CSNK1G3: variants seen among roughly 807,000 people sequenced by gnomAD.
The protein encoded by CSNK1G3 is casein kinase 1 gamma 3.
In CSNK1G3, 23 loss-of-function variants were observed where a neutral mutation model predicts 64.3. The ratio of observed to expected loss-of-function variants is 0.36; its 90% CI spans 0.26 to 0.51. The LOEUF is 0.51. CSNK1G3 is among the 20% of genes least tolerant of loss of function. CSNK1G3 has a pLI of 0.96. For synonymous variants in CSNK1G3, 158 were observed against 162.2 expected (o/e 0.97, Z 0.20); for missense variants, 357 against 510.5 (o/e 0.70, Z 2.90).
At position 123,535,000 on chromosome 5, in the gene CSNK1G3, C is replaced by T. The variant is rs1050052399; in HGVS notation, c.-247-10417C>T. ...CTCCATTGTGCTTTAAAAGCACGAC[C>T]GTGAAAGTCCACTTTCTCTATTGGT... On this transcript the variant is annotated intron_variant, in intron 1 of 12. Transcript: ENST00000345990. 5.9e-5 allele frequency among the ~76,000 whole-genome samples: 9 copies of T among 152,212 alleles called. No individual in the cohort carries two copies. The South Asian group carries it at 1.4e-3, about 25-fold the overall frequency.
chr5:123,610,157 A>G (rs1463227193), intron 12 of CSNK1G3, among the ~76,000 whole-genome samples: 1 of 152,136 alleles, frequency 6.6e-6, no homozygotes, highest in Non-Finnish European at 1.5e-5. Context: ...AATTTTGTAG[A>G]TGATCTTGTT....
chr5:123,608,070 T>C (rs879547899), intron 12 of CSNK1G3, among the ~76,000 whole-genome samples: 8 of 152,214 alleles, frequency 5.3e-5, no homozygotes, highest in Admixed American at 1.3e-4. Context: ...GGTGGGACTA[T>C]AGGTGCACAC....
chr5:123,552,672 A>G (rs1196143915), intron 2 of CSNK1G3, among the ~76,000 whole-genome samples: 2 of 152,204 alleles, frequency 1.3e-5, no homozygotes, highest in African/African-American at 4.8e-5. Flanking sequence ...ACTGGATTAA[A>G]TATGAGCCCT....
At chr5:123,600,422 C>T (rs1013937894) in intron 10 of CSNK1G3, among the ~76,000 whole-genome samples, 4 of 151,844 alleles carry the variant, frequency 2.6e-5, no homozygotes, top group Non-Finnish European at 5.9e-5. Flanking sequence ...GTCAGGAGTT[C>T]GAGACCAGCC....
chr5:123,565,636 A>G (rs1786714066), intron 4 of CSNK1G3, among the ~76,000 whole-genome samples: 1 of 152,182 alleles, frequency 6.6e-6, no homozygotes, highest in Non-Finnish European at 1.5e-5. Context: ...GGTAATTTAT[A>G]AGAAAAGAGG....
At chr5:123,553,297 C>G (rs1784035747) in intron 3 of CSNK1G3, 150 bp downstream of exon 3, 2 of 415,226 alleles carry the variant, frequency 4.8e-6, no homozygotes, top group African/African-American at 2.1e-5. Flanking sequence ...TTGCTAAGCT[C>G]CTAACATCAT....
intron 4 of CSNK1G3, among the ~76,000 whole-genome samples, chr5:123,570,699 C>T (rs1460047071): frequency 6.6e-6 from 1 of 152,164 alleles, no homozygotes; most frequent in Admixed American, 6.5e-5. Flanking sequence ...TTTATTTTTA[C>T]ATTTTTTATA....
chr5:123,592,604 A>G (rs747466187), intron 10 of CSNK1G3, among the ~76,000 whole-genome samples: 3 of 152,020 alleles, frequency 2.0e-5, no homozygotes, highest in South Asian at 2.1e-4. Flanking sequence ...TTTGACTTTT[A>G]TATTGTTTAT....
chr5:123,583,876 A>G (rs1252206540), intron 6 of CSNK1G3, among the ~76,000 whole-genome samples: 1 of 151,698 alleles, frequency 6.6e-6, no homozygotes, highest in Non-Finnish European at 1.5e-5. Flanking sequence ...TTTTTTTGTA[A>G]AGTTAGGGTT....
chr5:123,525,499 G>A (rs1305052627), intron 1 of CSNK1G3, among the ~76,000 whole-genome samples: 2 of 151,798 alleles, frequency 1.3e-5, no homozygotes, highest in South Asian at 2.1e-4. Context: ...TCACCATGTT[G>A]ACCAGGCTTG....
At chr5:123,611,037 A>T (rs187931628) in intron 12 of CSNK1G3, among the ~76,000 whole-genome samples, 61 of 152,318 alleles carry the variant, frequency 4.0e-4, no homozygotes, top group African/African-American at 1.3e-3. Context: ...AAAATAAAAC[A>T]ATAGTGTGCT....
At chr5:123,611,006 G>T (rs925093594) in intron 12 of CSNK1G3, among the ~76,000 whole-genome samples, 2 of 152,162 alleles carry the variant, frequency 1.3e-5, no homozygotes, top group Non-Finnish European at 2.9e-5. Flanking sequence ...TAATTTCAAA[G>T]TAGGAGTAAG....
At chr5:123,526,009 A>AG in intron 1 of CSNK1G3, among the ~76,000 whole-genome samples, 1 of 151,874 alleles carries the variant, frequency 6.6e-6, no homozygotes, top group Admixed American at 6.6e-5. Context: ...AAAAAAAAAA[A>AG]AAAAAAGTAG....
At chr5:123,604,762 C>G (rs373278640) in exon 11 of CSNK1G3, 1 of 1,611,480 alleles carries the variant, frequency 6.2e-7, no homozygotes, top group Non-Finnish European at 8.5e-7. Context: ...ACACAGATGA[C>G]CCCACCGCAG....
Position 123,585,707 on chromosome 5 carries a change from T to C in CSNK1G3, c.674-2361T>C, listed in dbSNP as rs532066079. On this transcript the variant is annotated intron_variant, in intron 6 of 12. Transcript: ENST00000345990. ...CCAGTGAAATACAAATTAAGTCAGTTAATCCATACTTTGAAGTTTGCTTTT... is the reference window on the plus strand; with the variant it reads ...CCAGTGAAATACAAATTAAGTCAGTCAATCCATACTTTGAAGTTTGCTTTT... Among the ~76,000 whole-genome samples, 5 of 152,328 alleles carry C rather than the reference T, an allele frequency of 3.3e-5. No homozygotes were observed. In the South Asian group the frequency reaches 1.0e-3, roughly 32 times the overall value.
chr5:123,530,077 A>G (rs1208353762), intron 1 of CSNK1G3, among the ~76,000 whole-genome samples: 1 of 150,534 alleles, frequency 6.6e-6, no homozygotes, highest in East Asian at 1.9e-4. Flanking sequence ...ACAAAGTGAG[A>G]CCCTGTCTCA....
chr5:123,589,197 G>C (rs545507007), intron 8 of CSNK1G3, among the ~76,000 whole-genome samples: 1 of 152,034 alleles, frequency 6.6e-6, no homozygotes, highest in African/African-American at 2.4e-5. Context: ...TTAGTATTCC[G>C]TAGTTCTCCT....
intron 6 of CSNK1G3, among the ~76,000 whole-genome samples, chr5:123,583,496 G>A (rs1184981686): frequency 6.6e-6 from 1 of 152,166 alleles, no homozygotes; most frequent in African/African-American, 2.4e-5. Context: ...GAGTAGCTGA[G>A]ATTACAGGCA....
At chr5:123,545,003 G>A (rs949460888) in intron 1 of CSNK1G3, among the ~76,000 whole-genome samples, 2 of 151,898 alleles carry the variant, frequency 1.3e-5, no homozygotes, top group East Asian at 1.9e-4. Context: ...TATGAACATG[G>A]GGAATATATT....
Sources: gnomAD v4.1 joint callset for allele counts (sites outside exome capture counted in the v4.1 genomes callset) on GRCh38, gnomAD v4.1.1 for gene constraint, MANE v1.5 for transcripts, NCBI Gene and HGNC (gene_info 2026-07-23, HGNC 2026-07-21) for gene names.